Variants in TERF1 observed in about 807,000 individuals in gnomAD.
The protein encoded by TERF1 is telomeric repeat-binding factor 1.
A neutral mutation model predicts 55.1 loss-of-function variants in TERF1; 20 were observed. That is an observed-to-expected ratio of 0.36 (90% CI 0.26 to 0.53). TERF1 has a LOEUF of 0.53. TERF1 is among the 20% of genes least tolerant of loss of function. The pLI is 0.91. For missense variants in TERF1, 439 were observed against 535.7 expected (o/e 0.82, Z 1.78); for synonymous variants, 168 against 181.2 (o/e 0.93, Z 0.59).
Position 73,013,026 on chromosome 8 carries a change from A to T in TERF1, c.320-869A>T, listed in dbSNP as rs547317197. The T allele has an allele frequency of 1.8e-4, 76 of 426,940 alleles. 1 individual carries two copies. Among genetic ancestry groups the T allele is most frequent in the South Asian group, 1.2e-3 (74 of 60,210 alleles). The allele number at this position is 426,940 out of a possible 1,614,324, so 26.4% of individuals were successfully genotyped here. A position where few individuals can be genotyped will look rare whatever the true frequency, so the allele number is the denominator to read the frequency against. On this transcript the variant is annotated intron_variant, in intron 1 of 9. Transcript: ENST00000276603. Reference sequence around the variant, plus strand: ...TATTATGACTGTGTATGGTCCAGATAATCTCTGGTGTAGCATAAGATTATG... The same window carrying T: ...TATTATGACTGTGTATGGTCCAGATTATCTCTGGTGTAGCATAAGATTATG...
chr8:73,037,705 TA>T lies in TERF1; in HGVS notation c.1040-1410del, dbSNP rs1457024578. On this transcript the variant is annotated intron_variant, in intron 8 of 9. Coordinates refer to ENST00000276603, the MANE Select transcript of TERF1 (RefSeq NM_017489.3). ...TAATATATATTATATAGTATAATAT[TA>T]TATTATATATAATATATATTATATA... Among the ~76,000 whole-genome samples, 16 of 11,948 alleles carry T rather than the reference TA, an allele frequency of 1.3e-3. 1 individual carries two copies. The highest frequency in any genetic ancestry group is 3.2e-3 in the Non-Finnish European group (16 of 4,948). The allele number at this position is 11,948 out of a possible 152,430, so 7.8% of individuals were successfully genotyped here. A position where few individuals can be genotyped will look rare whatever the true frequency, so the allele number is the denominator to read the frequency against.
At chr8:73,038,323 C>T (rs1242614815) in intron 8 of TERF1, among the ~76,000 whole-genome samples, 1 of 151,738 alleles carries the variant, frequency 6.6e-6, no homozygotes, top group African/African-American at 2.4e-5. Context: ...GCATGGCGGC[C>T]GGTGCCTCTA....
At chr8:73,017,706 TC>T (rs1271156108) in intron 2 of TERF1, among the ~76,000 whole-genome samples, 1 of 141,250 alleles carries the variant, frequency 7.1e-6, no homozygotes, top group Non-Finnish European at 1.6e-5. Flanking sequence ...ATATTTTTTT[TC>T]TTTTTTTTTT....
At chr8:73,016,792 C>G (rs1440133705) in intron 2 of TERF1, among the ~76,000 whole-genome samples, 7 of 152,110 alleles carry the variant, frequency 4.6e-5, no homozygotes, top group African/African-American at 1.7e-4. Context: ...TGCAGTTTCT[C>G]TAGTTTCCAG....
rs55823436 is a variant in TERF1 at position 73,013,860 on chromosome 8, T to G, written c.320-35T>G. 2.2e-3 allele frequency: 3,090 copies of G among 1,427,780 alleles called. 54 individuals carry two copies. The African/African-American group carries it at 0.038, about 18-fold the overall frequency. The allele number at this position is 1,427,780 out of a possible 1,614,324, so 88.4% of individuals were successfully genotyped here. ...CACAGTGGCACTACTGGATCAAGTT[T>G]GATTTTAATAAAATTTACTTTTTTT... On this transcript the variant is annotated intron_variant, in intron 1 of 9. Transcript: ENST00000276603.
At chr8:73,013,643 G>T in intron 1 of TERF1, 1 of 332,532 alleles carries the variant, frequency 3.0e-6, no homozygotes, top group Middle Eastern at 6.1e-4. Context: ...AATCTTTTTT[G>T]TTAATGTAGA....
At chr8:73,037,764 AGT>A (rs533402984) in intron 8 of TERF1, among the ~76,000 whole-genome samples, 4 of 57,030 alleles carry the variant, frequency 7.0e-5, no homozygotes, top group Admixed American at 2.5e-4. Flanking sequence ...AATATTATAT[AGT>A]ATAATATATA....
chr8:73,034,974 A>C (rs1243617533), intron 8 of TERF1, among the ~76,000 whole-genome samples: 5 of 152,214 alleles, frequency 3.3e-5, no homozygotes, highest in Non-Finnish European at 5.9e-5. Flanking sequence ...GATTGAAAGC[A>C]AATCAAATTT....
At position 73,013,964 on chromosome 8, in the gene TERF1, C is replaced by T. The variant is rs763125104; in HGVS notation, c.389C>T (p.Thr130Ile). 13 of 1,609,796 alleles carry T rather than the reference C, an allele frequency of 8.1e-6. No individual in the cohort carries two copies. The highest frequency in any genetic ancestry group is 1.1e-5 in the Non-Finnish European group (13 of 1,178,298). The change falls in exon 2 of 10, where the codon ACA (threonine) becomes ATA (isoleucine). Residue 130 changes from threonine to isoleucine, a missense_variant. By Grantham distance (89) the Thr-to-Ile change is moderately conservative (BLOSUM62 -1). This residue lies in a region of TERF1 where 95 missense variants were observed against 167.2 expected (regional missense o/e 0.57). Coordinates refer to ENST00000276603, the MANE Select transcript of TERF1 (RefSeq NM_017489.3). ...LRTIYICQFL[T>I]RIAAGKTLDA... The stretch of plus-strand genomic sequence containing the variant: ...ACGATATACATATGTCAGTTTTTGA[C>T]AAGAATTGCAGCAGGAAAAACCCTT...
intron 8 of TERF1, among the ~76,000 whole-genome samples, chr8:73,038,150 G>GA (rs1809684295): frequency 2.0e-5 from 3 of 151,266 alleles, no homozygotes; most frequent in Non-Finnish European, 4.4e-5. Flanking sequence ...TATCACTTTT[G>GA]ATAAAGTTAT....
In TERF1 at chr8:73,030,477, C is replaced by T. The variant is rs34742076; in HGVS notation, c.947+82C>T. Reference sequence around the variant, plus strand: ...CATGCAGACCTAATAAAAACTACCACATAAATGGTACAATTGAAAGAATAT... The same window carrying T: ...CATGCAGACCTAATAAAAACTACCATATAAATGGTACAATTGAAAGAATAT... On this transcript the variant is annotated intron_variant, in intron 7 of 9. Coordinates refer to ENST00000276603, the MANE Select transcript of TERF1 (RefSeq NM_017489.3). 172,767 of 796,956 alleles carry T rather than the reference C, an allele frequency of 0.22. 19,838 individuals are homozygous for T. Among genetic ancestry groups the T allele is most frequent in the Middle Eastern group, 0.26 (658 of 2,538 alleles). The allele number at this position is 796,956 out of a possible 1,614,324, so 49.4% of individuals were successfully genotyped here.
At position 73,046,794 on chromosome 8, in the gene TERF1, TAAAATG is replaced by T. The variant is rs1810055426; in HGVS notation, c.*660_*665del. ...CAGACGTGAGCCACTGCGTCCTGCCTAAAATGAATTTTCTAGATGATTGAATAACAG... is the reference window on the plus strand; with the variant it reads ...CAGACGTGAGCCACTGCGTCCTGCCTAATTTTCTAGATGATTGAATAACAG... On this transcript the variant is annotated 3_prime_UTR_variant, in exon 10 of 10. Transcript: ENST00000276603. 6.6e-6 allele frequency: 1 copy of T among 152,154 alleles called. No individual in the cohort carries two copies. The highest frequency in any genetic ancestry group is 1.5e-5 in the Non-Finnish European group (1 of 68,034). 9.4% of individuals were successfully genotyped at this position (152,154 alleles called of 1,614,324 possible).
At chr8:73,009,275 G>A in intron 1 of TERF1, 70 bp downstream of exon 1, 1 of 1,501,708 alleles carries the variant, frequency 6.7e-7, no homozygotes, top group Non-Finnish European at 9.0e-7. Context: ...GCGCGGCAGA[G>A]GGCTGGTTCC....
At position 73,017,998 on chromosome 8, in the gene TERF1, C is replaced by T. The variant is rs56226189; in HGVS notation, c.416-2686C>T. Among the ~76,000 whole-genome samples, 780 of 152,194 alleles carry T rather than the reference C, an allele frequency of 5.1e-3. 9 individuals carry two copies. The highest frequency in any genetic ancestry group is 0.017 in the African/African-American group (712 of 41,530). Reference sequence around the variant, plus strand: ...TGCTGGGATTACAGGCGTGAGCCACCGCGCCTGGCCATGCATCAATATTTT... The same window carrying T: ...TGCTGGGATTACAGGCGTGAGCCACTGCGCCTGGCCATGCATCAATATTTT... On this transcript the variant is annotated intron_variant, in intron 2 of 9. Coordinates refer to ENST00000276603, the MANE Select transcript of TERF1 (RefSeq NM_017489.3).
intron 1 of TERF1, chr8:73,009,414 G>C: frequency 3.5e-6 from 2 of 575,702 alleles, no homozygotes; most frequent in Middle Eastern, 4.4e-4. Context: ...TTTCCTCTTC[G>C]ATAAAATGAA....
chr8:73,028,368 G>A (rs1053442595), intron 6 of TERF1, among the ~76,000 whole-genome samples: 4 of 151,892 alleles, frequency 2.6e-5, no homozygotes, highest in Non-Finnish European at 4.4e-5. Flanking sequence ...ATTAGGAACC[G>A]CACCTCAGAA....
chr8:73,020,976 A>T (rs562970422), intron 3 of TERF1, among the ~76,000 whole-genome samples, 171 bp downstream of exon 3: 6 of 152,294 alleles, frequency 3.9e-5, no homozygotes, highest in African/African-American at 1.4e-4. Flanking sequence ...GCTGGAACTT[A>T]ATGTGCCATA....
intron 6 of TERF1, among the ~76,000 whole-genome samples, chr8:73,029,032 C>T (rs982999450): frequency 3.3e-5 from 5 of 152,016 alleles, no homozygotes; most frequent in African/African-American, 7.2e-5. Flanking sequence ...GATCAAGAAT[C>T]GAGCAAATAC....
At chr8:73,039,770 GGTGTGTGTGTGTGTGTGTGTGT>G (rs35184446) in intron 9 of TERF1, among the ~76,000 whole-genome samples, 8 of 136,452 alleles carry the variant, frequency 5.9e-5, no homozygotes, top group Admixed American at 3.8e-4. Context: ...TTGTTTTTGT[GGTGTGTGTGTGTGTGTGTGTGT>G]GTGTGTGTGT....
Sources: gnomAD v4.1 joint callset for allele counts (sites outside exome capture counted in the v4.1 genomes callset) on GRCh38, gnomAD v4.1.1 for gene constraint, gnomAD v4.1.1 regional missense constraint, MANE v1.5 for transcripts, NCBI Gene and HGNC (gene_info 2026-07-23, HGNC 2026-07-21) for gene names.